USH2A: variants seen among roughly 807,000 people sequenced by gnomAD.
USH2A encodes the protein usherin, also known as Usher syndrome 2A (autosomal recessive, mild).
A neutral mutation model predicts 538.9 loss-of-function variants in USH2A; 443 were observed. The observed-to-expected ratio is 0.82, with a 90% CI of 0.76 to 0.89. The LOEUF (loss-of-function observed/expected upper bound fraction) is 0.89. Among genes scored for constraint, USH2A ranks in the 40% least tolerant of loss-of-function variants. The pLI, the probability that USH2A is intolerant of heterozygous loss-of-function variation, is 0.00. For synonymous variants in USH2A, 2,413 were observed against 2,273.5 expected, an observed-to-expected ratio of 1.06 and a Z score of -1.75; for missense variants, 6,633 against 6,324.8, an observed-to-expected ratio of 1.05 and a Z score of -1.65.
chr1:216,187,429 C>A (rs376012570), intron 20 of USH2A, among the ~76,000 whole-genome samples: 4 of 151,958 alleles, frequency 2.6e-5, no homozygotes, highest in South Asian at 4.1e-4. Context: ...TATATTGCAA[C>A]CAACAAATGT....
intron 46 of USH2A, among the ~76,000 whole-genome samples, chr1:215,838,868 T>C (rs1260117256): frequency 3.3e-5 from 5 of 152,204 alleles, no homozygotes; most frequent in African/African-American, 1.2e-4. Context: ...AAAGAGAAAC[T>C]GTACTTTTTA....
intron 61 of USH2A, among the ~76,000 whole-genome samples, chr1:215,701,495 G>T (rs971117243): frequency 6.6e-6 from 1 of 152,060 alleles, no homozygotes; most frequent in Non-Finnish European, 1.5e-5. Context: ...TATGAATCTG[G>T]GTGCTCCTGT....
At chr1:215,977,484 T>C (rs916234452) in intron 35 of USH2A, among the ~76,000 whole-genome samples, 7 of 148,450 alleles carry the variant, frequency 4.7e-5, no homozygotes, top group African/African-American at 7.5e-5. Context: ...AATTATAGAA[T>C]ACTTAAAATA....
intron 32 of USH2A, among the ~76,000 whole-genome samples, chr1:216,037,424 T>A (rs1459790504): frequency 6.6e-6 from 1 of 152,188 alleles, no homozygotes; most frequent in Non-Finnish European, 1.5e-5. Flanking sequence ...ACTTTTGCCA[T>A]GACCTTTGCT....
At chr1:215,677,460 T>G (rs1467891081) in intron 62 of USH2A, among the ~76,000 whole-genome samples, 1 of 152,184 alleles carries the variant, frequency 6.6e-6, no homozygotes, top group Non-Finnish European at 1.5e-5. Flanking sequence ...ATGGCTTTAA[T>G]GAGTTGATGT....
At chr1:215,886,983 G>A (rs1195798100) in intron 41 of USH2A, among the ~76,000 whole-genome samples, 2 of 151,794 alleles carry the variant, frequency 1.3e-5, no homozygotes, top group East Asian at 1.9e-4. Context: ...TCAGCCTCCC[G>A]AGTAGCTGGG....
intron 43 of USH2A, among the ~76,000 whole-genome samples, chr1:215,874,489 G>GA (rs1664708658): frequency 6.6e-6 from 1 of 152,108 alleles, no homozygotes; most frequent in African/African-American, 2.4e-5. Context: ...AGATATAAAA[G>GA]AAAAAATAAC....
chr1:216,077,241 A>T (rs1008597411), intron 27 of USH2A, among the ~76,000 whole-genome samples: 1 of 152,174 alleles, frequency 6.6e-6, no homozygotes. Context: ...TTCTCTGATT[A>T]CATTCAAACG....
intron 62 of USH2A, among the ~76,000 whole-genome samples, chr1:215,679,493 GGAGGAACAT>G (rs1455721771): frequency 6.6e-6 from 1 of 152,206 alleles, no homozygotes; most frequent in East Asian, 1.9e-4. Context: ...CCATCCTTGG[GGAGGAACAT>G]CAGAGAGGTA....
At chr1:215,640,761 A>G (rs778915416) in intron 67 of USH2A, 27 bp from the exon 68 acceptor site, 5 of 1,613,406 alleles carry the variant, frequency 3.1e-6, no homozygotes, top group Non-Finnish European at 4.2e-6. Flanking sequence ...GTATGTTCTA[A>G]AAAGGGTAAC....
chr1:216,175,021 T>C (rs539678929), intron 21 of USH2A: 1 of 1,367,256 alleles, frequency 7.3e-7, no homozygotes, highest in Non-Finnish European at 9.5e-7. Flanking sequence ...CCAATAAGGC[T>C]GCTTCTTCAT....
chr1:215,626,555 A>G (rs1352760382), intron 71 of USH2A, among the ~76,000 whole-genome samples: 2 of 152,104 alleles, frequency 1.3e-5, no homozygotes, highest in African/African-American at 4.8e-5. Flanking sequence ...TGTTGGTTAT[A>G]ATGTTATAAT....
At chr1:215,735,819 C>T (rs1312882192) in intron 60 of USH2A, among the ~76,000 whole-genome samples, 2 of 152,142 alleles carry the variant, frequency 1.3e-5, no homozygotes, top group Non-Finnish European at 2.9e-5. Context: ...TTTAAATGTA[C>T]ATCTATAACT....
chr1:215,836,506 TTA>T lies in USH2A; in HGVS notation c.9371+1483_9371+1484del, dbSNP rs71159885. Among the ~76,000 whole-genome samples, 4 of 18,318 alleles carry T rather than the reference TTA, an allele frequency of 2.2e-4. 1 individual carries two copies. Among genetic ancestry groups the T allele is most frequent in the African/African-American group, 3.5e-4 (2 of 5,730 alleles). 12.0% of individuals were successfully genotyped at this position (18,318 alleles called of 152,430 possible). A position where few individuals can be genotyped will look rare whatever the true frequency, so the allele number is the denominator to read the frequency against. On this transcript the variant is annotated intron_variant, in intron 47 of 71. Coordinates refer to ENST00000307340, the MANE Select transcript of USH2A (RefSeq NM_206933.4). ...ATATATATTATATATATAATATATA[TTA>T]TATATATATAATATATATTATATAT... is the stretch of plus-strand genomic sequence containing the variant.
chr1:215,820,821 A>C (rs1026042395), intron 47 of USH2A, among the ~76,000 whole-genome samples: 1 of 151,792 alleles, frequency 6.6e-6, no homozygotes, highest in Non-Finnish European at 1.5e-5. Flanking sequence ...TCTCCCACAT[A>C]TGAAAGAGAA....
At chr1:215,741,199 G>A (rs1320719853) in intron 60 of USH2A, among the ~76,000 whole-genome samples, 176 bp downstream of exon 60, 2 of 151,830 alleles carry the variant, frequency 1.3e-5, no homozygotes, top group Admixed American at 6.6e-5. Flanking sequence ...ACCAGTCTTA[G>A]TCCTCACTGG....
At chr1:215,930,715 T>G (rs1054557341) in intron 38 of USH2A, among the ~76,000 whole-genome samples, 3 of 151,996 alleles carry the variant, frequency 2.0e-5, no homozygotes, top group Non-Finnish European at 4.4e-5. Flanking sequence ...CAACCACTTA[T>G]TAAACTGAAT....
In USH2A at chr1:215,640,914, ACCAGTAT is replaced by A. The variant is rs1398976850; in HGVS notation, c.14792-187_14792-181del. The stretch of plus-strand genomic sequence containing the variant: ...ACTTTTTCCTCAGTATTACGAAACA[ACCAGTAT>A]CAGGGGTGAAAAGAAAACCAATGGG... On this transcript the variant is annotated intron_variant, in intron 67 of 71. Transcript: ENST00000307340. Among the ~76,000 whole-genome samples, 3 of 151,786 alleles carry A rather than the reference ACCAGTAT, an allele frequency of 2.0e-5. No homozygotes were observed. In the East Asian group the frequency reaches 5.8e-4, roughly 29 times the overall value.
Position 216,078,175 on chromosome 1 carries a change from T to C in USH2A, c.5486A>G (p.Gln1829Arg). Residue 1829 changes from glutamine to arginine, a missense_variant, in exon 27 of 72, where the codon CAG (glutamine) becomes CGG (arginine). Gln to Arg is a conservative substitution (Grantham distance 43). Transcript: ENST00000307340. ...LMKHASESGD[Q>R]PLVVNSPVYV... The stretch of plus-strand genomic sequence containing the variant: ...AACTGGTGAATTCACCACCAGTGGC[T>C]GGTCTCCGGACTCCGATGCATGCTT... The C allele has an allele frequency of 6.2e-7, 1 of 1,613,762 alleles. No homozygotes were observed. Among genetic ancestry groups the C allele is most frequent in the Non-Finnish European group, 8.5e-7 (1 of 1,179,776 alleles).
Sources: gnomAD v4.1 joint callset for allele counts (sites outside exome capture counted in the v4.1 genomes callset) on GRCh38, gnomAD v4.1.1 for gene constraint, MANE v1.5 for transcripts, NCBI Gene and HGNC (gene_info 2026-07-23, HGNC 2026-07-21) for gene names.